MAN1C1: variants seen among roughly 807,000 people sequenced by gnomAD.
MAN1C1 encodes mannosyl-oligosaccharide 1,2-alpha-mannosidase IC.
A neutral mutation model predicts 71.5 loss-of-function variants in MAN1C1; 49 were observed. The ratio of observed to expected loss-of-function variants is 0.69; its 90% CI spans 0.54 to 0.87. MAN1C1 has a LOEUF of 0.87. MAN1C1 is among the 40% of genes least tolerant of loss of function. The probability of loss-of-function intolerance (pLI) is 0.00; values close to 1 mark genes in which losing one functional copy is unlikely to be tolerated. For synonymous variants in MAN1C1, 352 were observed against 343.7 expected (o/e 1.02, Z -0.27); for missense variants, 743 against 835.0 (o/e 0.89, Z 1.36).
Position 25,763,767 on chromosome 1 carries a change from A to G in MAN1C1, c.1048-107A>G, listed in dbSNP as rs948961612. On this transcript the variant is annotated intron_variant, in intron 6 of 11. Coordinates refer to ENST00000374332, the MANE Select transcript of MAN1C1 (RefSeq NM_020379.4). ...AGCTCTCCCTTCCTGCCTCCTCATA[A>G]GGTTTCCTCCATGCATCTGAACCAG... The G allele has an allele frequency of 2.0e-5, 17 of 857,088 alleles. No homozygotes were observed. In the Admixed American group the frequency reaches 3.2e-4, roughly 16 times the overall value. 53.1% of individuals were successfully genotyped at this position (857,088 alleles called of 1,614,324 possible). A position where few individuals can be genotyped will look rare whatever the true frequency, so the allele number is the denominator to read the frequency against.
chr1:25,719,429 T>G, intron 2 of MAN1C1, among the ~76,000 whole-genome samples: 1 of 147,360 alleles, frequency 6.8e-6, no homozygotes, highest in African/African-American at 2.6e-5. Flanking sequence ...ATTTATTTAT[T>G]TATTTATTTA....
chr1:25,713,212 C>T lies in MAN1C1; in HGVS notation c.637+26676C>T, dbSNP rs529082507. ...GCCTCTCAGTCCAGTGCTCTTTCTACTATATGTCATGTCCTCTCATAATGA... is the reference window on the plus strand; with the variant it reads ...GCCTCTCAGTCCAGTGCTCTTTCTATTATATGTCATGTCCTCTCATAATGA... On this transcript the variant is annotated intron_variant, in intron 2 of 11. Transcript: ENST00000374332. Among the ~76,000 whole-genome samples the T allele has an allele frequency of 1.1e-4, 17 of 148,612 alleles. No homozygotes were observed. In the South Asian group the frequency reaches 2.5e-3, roughly 22 times the overall value.
intron 1 of MAN1C1, among the ~76,000 whole-genome samples, chr1:25,651,506 C>A (rs1338566166): frequency 6.6e-6 from 1 of 152,252 alleles, no homozygotes; most frequent in Non-Finnish European, 1.5e-5. Flanking sequence ...CAGCCCAGCA[C>A]TGTGGACCAA....
chr1:25,686,271 A>T (rs1468642217), intron 1 of MAN1C1, among the ~76,000 whole-genome samples, 169 bp from the exon 2 acceptor site: 1 of 152,216 alleles, frequency 6.6e-6, no homozygotes, highest in African/African-American at 2.4e-5. Context: ...AGCAGCTATA[A>T]CTGTACAAAT....
At chr1:25,699,406 G>A (rs1052728255) in intron 2 of MAN1C1, among the ~76,000 whole-genome samples, 6 of 152,112 alleles carry the variant, frequency 3.9e-5, no homozygotes, top group African/African-American at 7.2e-5. Context: ...GCAAGACCTC[G>A]GCCCCTTGGG....
chr1:25,668,114 C>T (rs1385489380), intron 1 of MAN1C1, among the ~76,000 whole-genome samples: 2 of 152,182 alleles, frequency 1.3e-5, no homozygotes, highest in East Asian at 1.9e-4. Context: ...AATCTCTTCT[C>T]ATGGGGGCTT....
intron 1 of MAN1C1, among the ~76,000 whole-genome samples, chr1:25,680,918 T>C (rs147205069): frequency 1.3e-5 from 2 of 152,206 alleles, no homozygotes; most frequent in East Asian, 3.9e-4. Flanking sequence ...CGATGATTTA[T>C]TACAGTGAAA....
chr1:25,686,433 C>T lies in MAN1C1; in HGVS notation c.541-7C>T. On this transcript the variant is annotated splice_region_variant and splice_polypyrimidine_tract_variant and intron_variant, in intron 1 of 11. Transcript: ENST00000374332. ...TGAGGTTCTCTCTATGCTGCTTTTT[C>T]TTGCAGATGATGCAGTTTGCTTGGC... is the stretch of plus-strand genomic sequence containing the variant. 2 of 1,613,554 alleles carry T rather than the reference C, an allele frequency of 1.2e-6. No individual in the cohort carries two copies. The highest frequency in any genetic ancestry group is 1.7e-6 in the Non-Finnish European group (2 of 1,179,552).
chr1:25,647,271 T>C (rs1313098783), intron 1 of MAN1C1, among the ~76,000 whole-genome samples: 1 of 151,948 alleles, frequency 6.6e-6, no homozygotes, highest in African/African-American at 2.4e-5. Context: ...TGGGAGCATG[T>C]GGTGGGAAGC....
Position 25,643,390 on chromosome 1 carries a change from G to T in MAN1C1, c.540+25053G>T, listed in dbSNP as rs893014226. Among the ~76,000 whole-genome samples, 48 of 149,174 alleles carry T rather than the reference G, an allele frequency of 3.2e-4. 1 individual carries two copies. Among genetic ancestry groups the T allele is most frequent in the African/African-American group, 1.1e-3 (46 of 40,806 alleles). ...CAGCCTCAGCCTCCTGAGTAGCTGG[G>T]ACTACAGGCACCCGCCACCACGCCT... On this transcript the variant is annotated intron_variant, in intron 1 of 11. Coordinates refer to ENST00000374332, the MANE Select transcript of MAN1C1 (RefSeq NM_020379.4).
chr1:25,764,085 C>A lies in MAN1C1; in HGVS notation c.1141+118C>A. ...GTGTCTGTCAGAGCCATGCAGCCAG[C>A]AAGGCATTCGCTCGGTGCTCCTGGA... On this transcript the variant is annotated intron_variant, in intron 7 of 11. Transcript: ENST00000374332. The surrounding 1 kb of genome is among the most constrained non-coding windows in gnomAD (Gnocchi z 4.4). 1.2e-6 allele frequency: 1 copy of A among 821,724 alleles called. No homozygotes were observed. The highest frequency in any genetic ancestry group is 2.0e-6 in the Non-Finnish European group (1 of 502,114). 50.9% of individuals were successfully genotyped at this position (821,724 alleles called of 1,614,324 possible). A position where few individuals can be genotyped will look rare whatever the true frequency, so the allele number is the denominator to read the frequency against.
chr1:25,716,975 C>G (rs1448944507), intron 2 of MAN1C1, among the ~76,000 whole-genome samples: 23 of 152,140 alleles, frequency 1.5e-4, no homozygotes, highest in Admixed American at 1.5e-3. Context: ...TGGGGTTCCT[C>G]CATGGTGTTT....
chr1:25,765,218 T>A (rs1214702568), intron 7 of MAN1C1, among the ~76,000 whole-genome samples: 1 of 152,114 alleles, frequency 6.6e-6, no homozygotes, highest in African/African-American at 2.4e-5. Context: ...TGCAACAGAA[T>A]GGGGTTTGGG....
intron 2 of MAN1C1, among the ~76,000 whole-genome samples, chr1:25,717,194 A>G (rs1052235468): frequency 3.9e-5 from 6 of 152,166 alleles, no homozygotes; most frequent in African/African-American, 9.7e-5. Flanking sequence ...TTGTTGGGTC[A>G]TATGTTAAAT....
At chr1:25,721,026 T>C (rs750188449) in intron 2 of MAN1C1, among the ~76,000 whole-genome samples, 3 of 152,246 alleles carry the variant, frequency 2.0e-5, no homozygotes, top group Non-Finnish European at 2.9e-5. Flanking sequence ...GATCTATGTC[T>C]ATTTTTATGC....
chr1:25,772,548 C>T (rs2047567484), intron 8 of MAN1C1: 1 of 152,312 alleles, frequency 6.6e-6, no homozygotes, highest in Non-Finnish European at 1.5e-5. Flanking sequence ...TTCTGGGCCT[C>T]AGTTTCCCCA....
intron 2 of MAN1C1, among the ~76,000 whole-genome samples, chr1:25,745,026 T>C (rs2047109908): frequency 6.6e-6 from 1 of 152,240 alleles, no homozygotes; most frequent in African/African-American, 2.4e-5. Flanking sequence ...AGGCGCCACC[T>C]CTTTCAGGAA....
chr1:25,672,896 G>T (rs1463326438), intron 1 of MAN1C1, among the ~76,000 whole-genome samples: 3 of 152,176 alleles, frequency 2.0e-5, no homozygotes, highest in Non-Finnish European at 4.4e-5. Context: ...GGGGCTGGCG[G>T]TTGGAGGCTC....
intron 1 of MAN1C1, among the ~76,000 whole-genome samples, chr1:25,669,865 C>T (rs929197859): frequency 1.7e-4 from 26 of 152,324 alleles, no homozygotes; most frequent in Middle Eastern, 6.8e-3. Flanking sequence ...AGAAACAAGG[C>T]CCTTTACTAC....
Sources: gnomAD v4.1 joint callset for allele counts (sites outside exome capture counted in the v4.1 genomes callset) on GRCh38, gnomAD v4.1.1 for gene constraint, Gnocchi (gnomAD v3.1) non-coding constraint, MANE v1.5 for transcripts, NCBI Gene and HGNC (gene_info 2026-07-23, HGNC 2026-07-21) for gene names.